VDAC2: variants seen among roughly 807,000 people sequenced by gnomAD.
VDAC2 encodes voltage dependent anion channel 2, also known as non-selective voltage-gated ion channel VDAC2.
A neutral mutation model predicts 36.6 loss-of-function variants in VDAC2; 6 were observed. The ratio of observed to expected loss-of-function variants is 0.16; its 90% CI spans 0.09 to 0.32. The LOEUF is 0.32. Among genes scored for constraint, VDAC2 ranks in the 10% least tolerant of loss-of-function variants. The probability of loss-of-function intolerance (pLI) is 1.00; values close to 1 mark genes in which losing one functional copy is unlikely to be tolerated. For missense variants in VDAC2, 247 were observed against 346.0 expected (o/e 0.71, Z 2.27); for synonymous variants, 109 against 123.8 (o/e 0.88, Z 0.79).
At chr10:75,230,212 G>T (rs1453713939) in intron 9 of VDAC2, among the ~76,000 whole-genome samples, 1 of 152,188 alleles carries the variant, frequency 6.6e-6, no homozygotes, top group Non-Finnish European at 1.5e-5. Context: ...TCCCCCTTCA[G>T]ATAGGGATTT....
intron 6 of VDAC2, among the ~76,000 whole-genome samples, chr10:75,220,439 A>G (rs573028675): frequency 2.6e-4 from 39 of 152,296 alleles, no homozygotes; most frequent in Middle Eastern, 3.4e-3. Flanking sequence ...TATGGTTGCT[A>G]TCATTGGCTT....
intron 8 of VDAC2, among the ~76,000 whole-genome samples, chr10:75,227,879 G>A (rs1842003197): frequency 6.6e-6 from 1 of 150,670 alleles, no homozygotes; most frequent in South Asian, 2.1e-4. Flanking sequence ...GCCAATAATG[G>A]GAATTTCTTT....
intron 8 of VDAC2, 165 bp from the exon 9 acceptor site, chr10:75,229,479 C>A (rs553854688): frequency 2.0e-6 from 1 of 511,264 alleles, no homozygotes; most frequent in Non-Finnish European, 3.4e-6. Context: ...TGAATGGATA[C>A]GAATTAAATA....
At chr10:75,216,597 A>C (rs370987639) in intron 4 of VDAC2, among the ~76,000 whole-genome samples, 2 of 152,210 alleles carry the variant, frequency 1.3e-5, no homozygotes, top group East Asian at 1.9e-4. Context: ...AGAATGTAGA[A>C]GCCAAAATTT....
intron 1 of VDAC2, 56 bp downstream of exon 1, chr10:75,210,994 C>T (rs913500551): frequency 1.0e-5 from 8 of 768,652 alleles, no homozygotes; most frequent in Admixed American, 3.9e-5. Context: ...GCGGCCAAGC[C>T]GGAGGCCCGC....
At chr10:75,212,588 T>A (rs1841459920) in intron 3 of VDAC2, among the ~76,000 whole-genome samples, 1 of 152,136 alleles carries the variant, frequency 6.6e-6, no homozygotes, top group African/African-American at 2.4e-5. Flanking sequence ...CTGGCTAATT[T>A]TTTTTATTTT....
intron 4 of VDAC2, among the ~76,000 whole-genome samples, chr10:75,215,403 G>GTGC (rs1349015287): frequency 6.6e-6 from 1 of 151,452 alleles, no homozygotes; most frequent in Non-Finnish European, 1.5e-5. Context: ...CCAGGCTGGA[G>GTGC]TGCAGTGGCA....
intron 8 of VDAC2, among the ~76,000 whole-genome samples, chr10:75,223,131 C>T (rs1241643779): frequency 1.3e-5 from 2 of 152,002 alleles, no homozygotes; most frequent in South Asian, 2.1e-4. Context: ...CAGGTGCCCG[C>T]CACCACACCT....
intron 3 of VDAC2, among the ~76,000 whole-genome samples, chr10:75,213,577 T>A (rs564931415): frequency 8.3e-4 from 126 of 152,078 alleles, no homozygotes; most frequent in African/African-American, 3.0e-3. Context: ...ACCCCATCTC[T>A]ACTAAAAATA....
In VDAC2 at chr10:75,227,577, A is replaced by ATTTTTTTTTTTT. The variant is rs35378957; in HGVS notation, c.736-2057_736-2046dup. On this transcript the variant is annotated intron_variant, in intron 8 of 9. Transcript: ENST00000332211. ...TAACTCTTACTGTTAAATAATAGGA[A>ATTTTTTTTTTTT]TTTTTTTTTTTTTTTTTTTTTGGAG... Among the ~76,000 whole-genome samples the ATTTTTTTTTTTT allele has an allele frequency of 8.1e-4, 81 of 99,924 alleles. 7 individuals carry two copies. The highest frequency in any genetic ancestry group is 2.9e-3 in the African/African-American group (65 of 22,232). The allele number at this position is 99,924 out of a possible 152,430, so 65.6% of individuals were successfully genotyped here.
chr10:75,225,075 T>C (rs776625712), intron 8 of VDAC2, among the ~76,000 whole-genome samples: 38 of 152,184 alleles, frequency 2.5e-4, no homozygotes, highest in South Asian at 2.1e-4. Flanking sequence ...AGTCTTATAA[T>C]ACTGATTGAT....
intron 1 of VDAC2, 30 bp downstream of exon 1, chr10:75,210,968 A>T (rs1402619771): frequency 7.6e-6 from 4 of 523,136 alleles, no homozygotes; most frequent in Non-Finnish European, 1.3e-5. Flanking sequence ...ACGCCGACCC[A>T]GGGGCCTAGG....
intron 2 of VDAC2, 44 bp downstream of exon 2, chr10:75,211,233 C>T (rs1589995715): frequency 1.2e-6 from 2 of 1,603,392 alleles, no homozygotes; most frequent in Admixed American, 3.4e-5. Flanking sequence ...GGCGGAGAGT[C>T]GAAGCCTGTC....
chr10:75,219,334 A>G lies in VDAC2; in HGVS notation c.334A>G (p.Thr112Ala), dbSNP rs1384302660. 3 of 1,600,752 alleles carry G rather than the reference A, an allele frequency of 1.9e-6. No homozygotes were observed. Among genetic ancestry groups the G allele is most frequent in the Non-Finnish European group, 2.6e-6 (3 of 1,174,270 alleles). Residue 112 changes from threonine (T) to alanine (A), a missense_variant, in exon 6 of 10, where the codon ACT (threonine) becomes GCT (alanine). Thr to Ala is a moderately conservative substitution (Grantham distance 58). This residue lies in a region of VDAC2 where 159 missense variants were observed against 234.0 expected (regional missense o/e 0.68). Coordinates refer to ENST00000332211, the MANE Select transcript of VDAC2 (RefSeq NM_001391963.1). ...TCAAGGTTTGAAACTGACATTTGAT[A>G]CTACCTTCTCACCAAACACAGGGTA... ...ICQGLKLTFD[T>A]TFSPNTGKKS... is the part of the protein sequence containing the mutation.
intron 4 of VDAC2, among the ~76,000 whole-genome samples, chr10:75,217,655 G>A (rs1841648044): frequency 6.6e-6 from 1 of 152,094 alleles, no homozygotes; most frequent in South Asian, 2.1e-4. Context: ...TGGGATTACA[G>A]GTGTGACCCA....
In VDAC2 at chr10:75,230,927, G is replaced by C. The variant is rs1445680292; in HGVS notation, c.823G>C (p.Asp275His). The C allele has an allele frequency of 6.2e-7, 1 of 1,613,696 alleles. No individual in the cohort carries two copies. Among genetic ancestry groups the C allele is most frequent in the East Asian group, 2.2e-5 (1 of 44,888 alleles). Residue 275 changes from aspartate (D) to histidine (H), a missense_variant, in exon 10 of 10, where the codon GAT (aspartate) becomes CAT (histidine). This residue lies in a region of VDAC2 where 159 missense variants were observed against 234.0 expected (regional missense o/e 0.68). Transcript: ENST00000332211. ...GVKLTLSALV[D>H]GKSINAGGHK... ...GAAGCTTACACTCTCTGCTCTGGTA[G>C]ATGGGAAGAGCATTAATGCTGGAGG...
At chr10:75,224,618 G>C (rs1841904156) in intron 8 of VDAC2, among the ~76,000 whole-genome samples, 1 of 152,044 alleles carries the variant, frequency 6.6e-6, no homozygotes, top group African/African-American at 2.4e-5. Flanking sequence ...CAAACAATAA[G>C]AAACAAACAA....
Position 75,211,184 on chromosome 10 carries a change from C to T in VDAC2, c.26C>T (p.Ala9Val), listed in dbSNP as rs1046933713. 1 of 1,613,294 alleles carries T rather than the reference C, an allele frequency of 6.2e-7. No individual in the cohort carries two copies. The highest frequency in any genetic ancestry group is 1.7e-5 in the Admixed American group (1 of 59,934). The change falls in exon 2 of 10, where the codon GCG becomes GTG. Residue 9 changes from alanine (A) to valine (V), a missense_variant. This residue lies in a region of VDAC2 where 76 missense variants were observed against 76.9 expected (regional missense o/e 0.99). Transcript: ENST00000332211. ...ATGGCGACCCACGGACAGACTTGCGCGCGTCGTAAGTAAAGCTGGGATCTC... is the reference window on the plus strand; with the variant it reads ...ATGGCGACCCACGGACAGACTTGCGTGCGTCGTAAGTAAAGCTGGGATCTC... MATHGQTC[A>V]RPMCIPPSYA...
At chr10:75,210,213 G>C (rs1300381839), upstream of VDAC2, 2 of 152,630 alleles carry the variant, frequency 1.3e-5, no homozygotes, top group African/African-American at 4.8e-5. Context: ...TCACACCAAG[G>C]TGGGAAAAGA....
Sources: gnomAD v4.1 joint callset for allele counts (sites outside exome capture counted in the v4.1 genomes callset) on GRCh38, gnomAD v4.1.1 for gene constraint, gnomAD v4.1.1 regional missense constraint, MANE v1.5 for transcripts, NCBI Gene and HGNC (gene_info 2026-07-23, HGNC 2026-07-21) for gene names.